Variants in HDAC1 observed in about 807,000 individuals in gnomAD.
HDAC1 encodes protein deacetylase HDAC1.
In HDAC1, 18 loss-of-function variants were observed where a neutral mutation model predicts 65.5. The observed-to-expected ratio is 0.27, with a 90% CI of 0.19 to 0.41. HDAC1 has a LOEUF of 0.41. Ranked by LOEUF, HDAC1 falls within the 10% of genes least tolerant of loss-of-function variation. The probability of loss-of-function intolerance (pLI) is 1.00; values close to 1 mark genes in which losing one functional copy is unlikely to be tolerated. For missense variants in HDAC1, 373 were observed against 625.2 expected (o/e 0.60, Z 4.30); for synonymous variants, 211 against 227.9 (o/e 0.93, Z 0.67).
intron 2 of HDAC1, among the ~76,000 whole-genome samples, chr1:32,312,055 A>C (rs544760442): frequency 1.3e-5 from 2 of 152,302 alleles, no homozygotes; most frequent in East Asian, 3.9e-4. Context: ...GTGTTTGCCC[A>C]GGCTGGCCTT....
At position 32,328,884 on chromosome 1, in the gene HDAC1, G is replaced by C. The variant is rs996390245; in HGVS notation, c.637-184G>C. On this transcript the variant is annotated intron_variant, in intron 6 of 13. Transcript: ENST00000373548. Reference sequence around the variant, plus strand: ...TTAATGCTATGTCCAGAGATGATTTGCCAGTGAAGCTAGATTTGCCAGTGA... The same window carrying C: ...TTAATGCTATGTCCAGAGATGATTTCCCAGTGAAGCTAGATTTGCCAGTGA... Among the ~76,000 whole-genome samples, 6 of 152,136 alleles carry C rather than the reference G, an allele frequency of 3.9e-5. No homozygotes were observed. In the South Asian group the frequency reaches 1.2e-3, roughly 32 times the overall value.
rs138258602 is a variant in HDAC1 at position 32,311,893 on chromosome 1, T to C, written c.163-4772T>C. On this transcript the variant is annotated intron_variant, in intron 2 of 13. Coordinates refer to ENST00000373548, the MANE Select transcript of HDAC1 (RefSeq NM_004964.3). ...AAAATGGAGTTTGTGCAGTCATCTG[T>C]GTAGAAGGGATAGCCAGACCAAAGT... Among the ~76,000 whole-genome samples, 612 of 152,264 alleles carry C rather than the reference T, an allele frequency of 4.0e-3. 3 individuals are homozygous for C. The highest frequency in any genetic ancestry group is 0.014 in the African/African-American group (574 of 41,544).
chr1:32,325,945 T>C (rs915018195), intron 4 of HDAC1, among the ~76,000 whole-genome samples: 1 of 151,860 alleles, frequency 6.6e-6, no homozygotes, highest in Non-Finnish European at 1.5e-5. Context: ...GAGAATTGCT[T>C]GAACCTGGGA....
In HDAC1 at chr1:32,292,115, C is replaced by T; in HGVS notation, c.-55C>T. The T allele has an allele frequency of 6.5e-7, 1 of 1,528,354 alleles. No individual in the cohort carries two copies. 94.7% of individuals were successfully genotyped at this position (1,528,354 alleles called of 1,614,324 possible). A position where few individuals can be genotyped will look rare whatever the true frequency, so the allele number is the denominator to read the frequency against. Reference sequence around the variant, plus strand: ...CCCCTGGGTCGGACGCTGAGCGGAGCCGCGGGCGGGAGGGCGGACGGACCG... The same window carrying T: ...CCCCTGGGTCGGACGCTGAGCGGAGTCGCGGGCGGGAGGGCGGACGGACCG... On this transcript the variant is annotated 5_prime_UTR_variant, in exon 1 of 14. Coordinates refer to ENST00000373548, the MANE Select transcript of HDAC1 (RefSeq NM_004964.3).
intron 1 of HDAC1, among the ~76,000 whole-genome samples, chr1:32,300,300 C>T (rs1399335085): frequency 2.0e-5 from 3 of 151,754 alleles, no homozygotes; most frequent in Non-Finnish European, 4.4e-5. Flanking sequence ...AGATATAAAA[C>T]AATCCTAGCA....
In HDAC1 at chr1:32,330,971, GT is replaced by G; in HGVS notation, c.979+66del. On this transcript the variant is annotated intron_variant, in intron 9 of 13. Coordinates refer to ENST00000373548, the MANE Select transcript of HDAC1 (RefSeq NM_004964.3). This position sits in a 1 kb window ranked among gnomAD's most constrained non-coding sequence, Gnocchi z 4.2. ...GGAGCTGGAGCTCATCTGTCCTTAA[GT>G]TTATAACCCCTTCCCCGTTGGTCAT... is the stretch of plus-strand genomic sequence containing the variant. 1 of 1,534,988 alleles carries G rather than the reference GT, an allele frequency of 6.5e-7. No individual in the cohort carries two copies. The highest frequency in any genetic ancestry group is 9.0e-7 in the Non-Finnish European group (1 of 1,110,174).
chr1:32,309,947 T>C (rs1640968462), intron 2 of HDAC1, among the ~76,000 whole-genome samples: 1 of 151,308 alleles, frequency 6.6e-6, no homozygotes, highest in Non-Finnish European at 1.5e-5. Context: ...GTGAGAGAGA[T>C]GGCCCTTGGG....
intron 3 of HDAC1, among the ~76,000 whole-genome samples, chr1:32,318,201 G>A (rs1005656105): frequency 2.6e-5 from 4 of 152,124 alleles, no homozygotes; most frequent in South Asian, 2.1e-4. Flanking sequence ...TGCCAGCCTC[G>A]GCTTCCCCAA....
intron 2 of HDAC1, among the ~76,000 whole-genome samples, chr1:32,314,626 A>G (rs1641033893): frequency 6.6e-6 from 1 of 152,012 alleles, no homozygotes; most frequent in South Asian, 2.1e-4. Flanking sequence ...GGAGATCGAG[A>G]CCATCCTGGC....
At chr1:32,316,603 C>G in intron 2 of HDAC1, 62 bp from the exon 3 acceptor site, 1 of 890,034 alleles carries the variant, frequency 1.1e-6, no homozygotes, top group Non-Finnish European at 1.9e-6. Context: ...AATATTCAAA[C>G]TAGATTGACT....
chr1:32,315,810 A>G (rs2148064698), intron 2 of HDAC1, among the ~76,000 whole-genome samples: 1 of 150,844 alleles, frequency 6.6e-6, no homozygotes, highest in East Asian at 2.0e-4. Flanking sequence ...TACTAAAAAT[A>G]CAAAAATTAG....
At chr1:32,303,102 G>C (rs1350719079) in intron 2 of HDAC1, among the ~76,000 whole-genome samples, 1 of 152,162 alleles carries the variant, frequency 6.6e-6, no homozygotes, top group African/African-American at 2.4e-5. Context: ...GAGCCTGGGA[G>C]GTCGAGGCTG....
In HDAC1 at chr1:32,331,681, G is replaced by A. The variant is rs1210803816; in HGVS notation, c.1094G>A (p.Arg365Gln). ...CTCTCTCCCATTGGCCACAGACAGCGACTGTTTGAGAACCTTAGAATGCTG... is the reference window on the plus strand; with the variant it reads ...CTCTCTCCCATTGGCCACAGACAGCAACTGTTTGAGAACCTTAGAATGCTG... ...TNEYLEKIKQ[R>Q]LFENLRMLPH... Residue 365 changes from arginine to glutamine, a missense_variant, in exon 11 of 14, where the codon CGA becomes CAA. By Grantham distance (43) the Arg-to-Gln change is conservative. Coordinates refer to ENST00000373548, the MANE Select transcript of HDAC1 (RefSeq NM_004964.3). The surrounding 1 kb of genome is among the most constrained non-coding windows in gnomAD (Gnocchi z 4.2). 5.0e-6 allele frequency: 8 copies of A among 1,613,492 alleles called. No homozygotes were observed. The highest frequency in any genetic ancestry group is 6.8e-6 in the Non-Finnish European group (8 of 1,179,636).
chr1:32,308,446 A>G (rs886067944), intron 2 of HDAC1, among the ~76,000 whole-genome samples: 1 of 152,234 alleles, frequency 6.6e-6, no homozygotes, highest in Non-Finnish European at 1.5e-5. Flanking sequence ...AATAGGACCA[A>G]TTAGGAGGCC....
At position 32,321,243 on chromosome 1, in the gene HDAC1, AT is replaced by A. The variant is rs201706661; in HGVS notation, c.281-3235del. On this transcript the variant is annotated intron_variant, in intron 3 of 13. Transcript: ENST00000373548. ...AAGACTCTGTCTCAAAAAAAAAAAA[AT>A]AATAATAATAATATAATGAACATCC... Among the ~76,000 whole-genome samples the A allele has an allele frequency of 5.6e-3, 846 of 150,432 alleles. 8 individuals carry two copies. Among genetic ancestry groups the A allele is most frequent in the African/African-American group, 0.018 (750 of 40,792 alleles).
chr1:32,310,964 AAG>A lies in HDAC1; in HGVS notation c.163-5695_163-5694del, dbSNP rs537565475. 2.6e-4 allele frequency among the ~76,000 whole-genome samples: 39 copies of A among 152,258 alleles called. No individual in the cohort carries two copies. In the South Asian group the frequency reaches 8.1e-3, roughly 32 times the overall value. On this transcript the variant is annotated intron_variant, in intron 2 of 13. Transcript: ENST00000373548. ...AGAAGAGAGAAAAGAAAAAAAAAGAAAGAGAGACAGAAAACTCTGCCTGTAGT... is the reference window on the plus strand; with the variant it reads ...AGAAGAGAGAAAAGAAAAAAAAAGAAAGAGACAGAAAACTCTGCCTGTAGT...
chr1:32,292,305 T>C, intron 1 of HDAC1, 87 bp downstream of exon 1: 1 of 1,535,472 alleles, frequency 6.5e-7, no homozygotes. Flanking sequence ...GATGGGAGGC[T>C]GCGGGAGGCT....
intron 1 of HDAC1, among the ~76,000 whole-genome samples, chr1:32,298,189 G>A (rs1169004082): frequency 6.7e-6 from 1 of 150,274 alleles, no homozygotes; most frequent in African/African-American, 2.5e-5. Context: ...CCAGGTTTAA[G>A]CGATTCTCCT....
chr1:32,317,505 A>G (rs1403046261), intron 3 of HDAC1, among the ~76,000 whole-genome samples: 2 of 152,234 alleles, frequency 1.3e-5, no homozygotes, highest in Non-Finnish European at 2.9e-5. Context: ...TGATTAACTT[A>G]TGACAGCTTA....
Sources: gnomAD v4.1 joint callset for allele counts (sites outside exome capture counted in the v4.1 genomes callset) on GRCh38, gnomAD v4.1.1 for gene constraint, Gnocchi (gnomAD v3.1) non-coding constraint, MANE v1.5 for transcripts, NCBI Gene and HGNC (gene_info 2026-07-23, HGNC 2026-07-21) for gene names.